The following ATRNL1 variants were observed in gnomAD, a reference collection of about 807,000 sequenced individuals.
ATRNL1 encodes attractin like 1.
A neutral mutation model predicts 182.7 loss-of-function variants in ATRNL1; 95 were observed. That is an observed-to-expected ratio of 0.52 (90% CI 0.44 to 0.62). The LOEUF (loss-of-function observed/expected upper bound fraction) is 0.62. ATRNL1 is among the 20% of genes least tolerant of loss of function. ATRNL1 has a pLI of 0.00. For synonymous variants in ATRNL1, 576 were observed against 568.3 expected (o/e 1.01, Z -0.19); for missense variants, 1,471 against 1,679.5 (o/e 0.88, Z 2.17).
At chr10:115,104,333 A>T (rs782800571) in intron 1 of ATRNL1, among the ~76,000 whole-genome samples, 2 of 152,128 alleles carry the variant, frequency 1.3e-5, no homozygotes, top group African/African-American at 4.8e-5. Flanking sequence ...TGACATTGGT[A>T]TGTCTTCTTT....
intron 26 of ATRNL1, among the ~76,000 whole-genome samples, chr10:115,601,414 T>G (rs1856587989): frequency 6.6e-6 from 1 of 152,206 alleles, no homozygotes; most frequent in Non-Finnish European, 1.5e-5. Context: ...GTTTCATGTC[T>G]TCTATATTCC....
At chr10:115,516,147 A>G (rs181594936) in intron 24 of ATRNL1, among the ~76,000 whole-genome samples, 1 of 152,014 alleles carries the variant, frequency 6.6e-6, no homozygotes, top group Admixed American at 6.6e-5. Flanking sequence ...AACATTTAAT[A>G]GGTATTTCAC....
intron 28 of ATRNL1, among the ~76,000 whole-genome samples, chr10:115,936,301 G>A (rs1450805924): frequency 1.3e-5 from 2 of 152,122 alleles, no homozygotes; most frequent in Non-Finnish European, 2.9e-5. Context: ...CGATGACTTG[G>A]TCAAAAGAAT....
At chr10:115,103,701 T>G (rs782235526) in intron 1 of ATRNL1, among the ~76,000 whole-genome samples, 3 of 152,170 alleles carry the variant, frequency 2.0e-5, no homozygotes, top group African/African-American at 4.8e-5. Flanking sequence ...TCCAATACCT[T>G]TCCCAGCCTC....
At chr10:115,200,903 T>G (rs1848547021) in intron 8 of ATRNL1, among the ~76,000 whole-genome samples, 1 of 150,526 alleles carries the variant, frequency 6.6e-6, no homozygotes, top group South Asian at 2.1e-4. Context: ...TTTTCTGACT[T>G]TTTAATGATT....
rs547176729 is a variant in ATRNL1 at position 115,351,150 on chromosome 10, G to A, written c.3175+16731G>A. 3.3e-5 allele frequency among the ~76,000 whole-genome samples: 5 copies of A among 152,220 alleles called. No homozygotes were observed. In the South Asian group the frequency reaches 1.0e-3, roughly 32 times the overall value. On this transcript the variant is annotated intron_variant, in intron 19 of 28. Coordinates refer to ENST00000355044, the MANE Select transcript of ATRNL1 (RefSeq NM_207303.4). ...TTAGTTCTAATAGGTTTTTGGTGGA[G>A]TCTTTAGGTTTTTTGAAGTATAAGA...
At chr10:115,627,195 TCTC>T (rs1289128247) in intron 26 of ATRNL1, among the ~76,000 whole-genome samples, 1 of 151,912 alleles carries the variant, frequency 6.6e-6, no homozygotes, top group Non-Finnish European at 1.5e-5. Context: ...TGCTCCCCAT[TCTC>T]CTCTCCCCTG....
intron 8 of ATRNL1, among the ~76,000 whole-genome samples, chr10:115,210,524 T>C (rs183898326): frequency 6.6e-6 from 1 of 151,988 alleles, no homozygotes; most frequent in African/African-American, 2.4e-5. Flanking sequence ...GTTCTCCATT[T>C]TATAATTTTG....
chr10:115,814,088 G>A (rs1306381374), intron 27 of ATRNL1, among the ~76,000 whole-genome samples: 3 of 152,042 alleles, frequency 2.0e-5, no homozygotes, highest in African/African-American at 4.8e-5. Flanking sequence ...TAAAAAATGA[G>A]TAAAGTAGGT....
At chr10:115,387,875 G>A (rs1174097717) in intron 19 of ATRNL1, among the ~76,000 whole-genome samples, 4 of 151,894 alleles carry the variant, frequency 2.6e-5, no homozygotes, top group African/African-American at 4.8e-5. Flanking sequence ...CTGATCACTC[G>A]TATCACTACT....
At chr10:115,908,537 G>C (rs1361561832) in intron 28 of ATRNL1, among the ~76,000 whole-genome samples, 1 of 152,132 alleles carries the variant, frequency 6.6e-6, no homozygotes, top group Non-Finnish European at 1.5e-5. Context: ...CACCCAGGTT[G>C]TCCAGGATAA....
At chr10:115,798,349 T>C (rs1949708886) in intron 27 of ATRNL1, among the ~76,000 whole-genome samples, 1 of 152,200 alleles carries the variant, frequency 6.6e-6, no homozygotes, top group African/African-American at 2.4e-5. Flanking sequence ...TCTCACCTGT[T>C]ACAGGAGGCT....
chr10:115,896,848 T>C (rs2134477741), intron 28 of ATRNL1, among the ~76,000 whole-genome samples: 1 of 152,258 alleles, frequency 6.6e-6, no homozygotes, highest in African/African-American at 2.4e-5. Context: ...AATAGTGTAC[T>C]ATAAAAAGGC....
Position 115,110,137 on chromosome 10 carries a change from A to T in ATRNL1, c.294-10048A>T, listed in dbSNP as rs115291744. Among the ~76,000 whole-genome samples, 638 of 152,304 alleles carry T rather than the reference A, an allele frequency of 4.2e-3. 5 individuals carry two copies. The highest frequency in any genetic ancestry group is 0.015 in the African/African-American group (614 of 41,552). ...TCAAAGCATATTATAATTTCCAAAA[A>T]TATAGAAATAAACTGAGGTAGGCAG... On this transcript the variant is annotated intron_variant, in intron 1 of 28. Coordinates refer to ENST00000355044, the MANE Select transcript of ATRNL1 (RefSeq NM_207303.4).
intron 26 of ATRNL1, among the ~76,000 whole-genome samples, chr10:115,615,722 C>G (rs1555020550): frequency 6.6e-6 from 1 of 152,118 alleles, no homozygotes; most frequent in African/African-American, 2.4e-5. Flanking sequence ...ATCTTTCTTC[C>G]CGCTGTTTCA....
intron 18 of ATRNL1, among the ~76,000 whole-genome samples, chr10:115,327,021 T>TGGGCAA (rs1219980056): frequency 2.0e-5 from 3 of 151,912 alleles, no homozygotes; most frequent in Non-Finnish European, 4.4e-5. Context: ...GACATAGGCA[T>TGGGCAA]GGGCAAGGAC....
At chr10:115,485,015 C>A (rs58044488) in intron 24 of ATRNL1, among the ~76,000 whole-genome samples, 1,596 of 151,968 alleles carry the variant, frequency 0.011, 23 homozygotes, top group African/African-American at 0.037. Flanking sequence ...TGAGCCATCA[C>A]TTGATCATGG....
At chr10:115,098,742 C>T (rs975628552) in intron 1 of ATRNL1, among the ~76,000 whole-genome samples, 1 of 151,986 alleles carries the variant, frequency 6.6e-6, no homozygotes, top group Admixed American at 6.6e-5. Context: ...CAGGCGTGAG[C>T]CACTGCGCCT....
At chr10:115,612,835 G>A (rs1443844616) in intron 26 of ATRNL1, among the ~76,000 whole-genome samples, 1 of 151,646 alleles carries the variant, frequency 6.6e-6, no homozygotes, top group Non-Finnish European at 1.5e-5. Context: ...GACTCCATTT[G>A]TGGAATCCAA....
Sources: allele counts gnomAD v4.1 joint callset (sites outside exome capture counted in the v4.1 genomes callset), GRCh38; gene constraint gnomAD v4.1.1; transcripts MANE v1.5; gene names NCBI Gene and HGNC (gene_info 2026-07-23, HGNC 2026-07-21).